ANKS1B: variants seen among roughly 807,000 people sequenced by gnomAD.
The protein encoded by ANKS1B is ankyrin repeat and sterile alpha motif domain-containing protein 1B.
In ANKS1B, 36 loss-of-function variants were observed where a neutral mutation model predicts 148.3. The observed-to-expected ratio is 0.24, with a 90% confidence interval of 0.19 to 0.32. The LOEUF (loss-of-function observed/expected upper bound fraction) is 0.32. ANKS1B is among the 10% of genes least tolerant of loss of function. The pLI is 1.00. For missense variants in ANKS1B, 1,157 were observed against 1,542.6 expected (o/e 0.75, Z 4.19); for synonymous variants, 542 against 560.8 (o/e 0.97, Z 0.47).
chr12:99,783,781 G>A (rs1246661043), intron 4 of ANKS1B, among the ~76,000 whole-genome samples: 1 of 152,026 alleles, frequency 6.6e-6, no homozygotes, highest in Non-Finnish European at 1.5e-5. Context: ...CGAAATTACA[G>A]CTATATAGGA....
chr12:99,753,604 A>C (rs2061309723), intron 8 of ANKS1B, among the ~76,000 whole-genome samples: 2 of 152,140 alleles, frequency 1.3e-5, no homozygotes, highest in Non-Finnish European at 2.9e-5. Context: ...TGGTGGTAAC[A>C]AACTCCCTCA....
chr12:99,164,061 T>A (rs1220902997), intron 14 of ANKS1B, among the ~76,000 whole-genome samples: 1 of 152,188 alleles, frequency 6.6e-6, no homozygotes, highest in Non-Finnish European at 1.5e-5. Context: ...TTATTGCCTG[T>A]ATCTTTTTGT....
At chr12:99,504,975 G>A (rs2096693533) in intron 9 of ANKS1B, among the ~76,000 whole-genome samples, 1 of 151,886 alleles carries the variant, frequency 6.6e-6, no homozygotes. Flanking sequence ...CGGCCTCCTG[G>A]AGACACCCAT....
chr12:99,394,362 C>G (rs1243864413), intron 12 of ANKS1B, among the ~76,000 whole-genome samples: 3 of 152,046 alleles, frequency 2.0e-5, no homozygotes, highest in Admixed American at 2.0e-4. Context: ...AATTCATCAT[C>G]CCCTCTTTCT....
intron 17 of ANKS1B, among the ~76,000 whole-genome samples, chr12:98,945,915 T>C (rs544094787): frequency 3.3e-5 from 5 of 152,352 alleles, no homozygotes; most frequent in Admixed American, 6.5e-5. Flanking sequence ...TCTTTTCCCC[T>C]AGTCCCTCTC....
chr12:99,698,985 C>T (rs944129777), intron 8 of ANKS1B, among the ~76,000 whole-genome samples: 3 of 132,522 alleles, frequency 2.3e-5, no homozygotes, highest in Non-Finnish European at 3.3e-5. Context: ...TGTGCACGCA[C>T]GTGCGCAAGC....
At chr12:98,766,368 G>A (rs1022874906) in intron 25 of ANKS1B, among the ~76,000 whole-genome samples, 9 of 152,138 alleles carry the variant, frequency 5.9e-5, no homozygotes, top group Admixed American at 2.0e-4. Flanking sequence ...TAGGAGCTGC[G>A]TCCTTCCTGC....
chr12:99,686,558 A>C (rs1298187755), intron 8 of ANKS1B, among the ~76,000 whole-genome samples: 1 of 151,952 alleles, frequency 6.6e-6, no homozygotes, highest in Non-Finnish European at 1.5e-5. Context: ...AAATTGTCTT[A>C]AGTTTTTCTT....
At chr12:99,385,974 C>A (rs1420841974) in intron 12 of ANKS1B, among the ~76,000 whole-genome samples, 3 of 152,154 alleles carry the variant, frequency 2.0e-5, no homozygotes, top group Admixed American at 6.5e-5. Flanking sequence ...TGCTTCCTTT[C>A]ACATGTGCTT....
intron 9 of ANKS1B, among the ~76,000 whole-genome samples, chr12:99,592,765 C>A (rs1300747092): frequency 1.3e-5 from 2 of 152,098 alleles, no homozygotes; most frequent in South Asian, 2.1e-4. Flanking sequence ...TCAGGAGATC[C>A]TGAGAACATG....
intron 1 of ANKS1B, among the ~76,000 whole-genome samples, chr12:99,914,709 G>C (rs1445124097): frequency 6.6e-6 from 1 of 152,008 alleles, no homozygotes; most frequent in Non-Finnish European, 1.5e-5. Context: ...GTGATGCATG[G>C]GAGGGTGATA....
chr12:99,248,400 A>G (rs1339863682), intron 12 of ANKS1B, among the ~76,000 whole-genome samples: 1 of 152,198 alleles, frequency 6.6e-6, no homozygotes, highest in Non-Finnish European at 1.5e-5. Context: ...CTGAGATTGA[A>G]GAAAGAAGAG....
Position 98,946,597 on chromosome 12 carries a change from G to T in ANKS1B, c.2778+106560C>A, listed in dbSNP as rs148558111. On this transcript the variant is annotated intron_variant, in intron 17 of 26. Coordinates refer to ENST00000683438, the MANE Select transcript of ANKS1B (RefSeq NM_001352186.2). Reference sequence around the variant, plus strand: ...CTAGAGAGTGACAGGAGCTATTGGGGGAAAGATGAGAGCAGCTGACTAATT... The same window carrying T: ...CTAGAGAGTGACAGGAGCTATTGGGTGAAAGATGAGAGCAGCTGACTAATT... 2.4e-3 allele frequency among the ~76,000 whole-genome samples: 367 copies of T among 152,152 alleles called. 5 individuals carry two copies. The East Asian group carries it at 0.049, about 20-fold the overall frequency.
intron 16 of ANKS1B, among the ~76,000 whole-genome samples, chr12:99,059,093 C>G (rs1005268416): frequency 6.6e-6 from 1 of 152,174 alleles, no homozygotes; most frequent in Non-Finnish European, 1.5e-5. Flanking sequence ...GTGAATCTTT[C>G]TCTAATGTTA....
intron 17 of ANKS1B, among the ~76,000 whole-genome samples, chr12:98,958,343 A>C (rs950226266): frequency 6.6e-6 from 1 of 152,200 alleles, no homozygotes; most frequent in Non-Finnish European, 1.5e-5. Flanking sequence ...CTACTTACTT[A>C]CAGTCAGCAC....
intron 10 of ANKS1B, 21 bp downstream of exon 10, chr12:99,504,455 A>C: frequency 4.4e-6 from 7 of 1,606,552 alleles, no homozygotes; most frequent in Non-Finnish European, 5.9e-6. Flanking sequence ...AATCAGGCCA[A>C]TTGTGAGTAA....
At chr12:98,797,003 T>C (rs2098955815) in intron 22 of ANKS1B, among the ~76,000 whole-genome samples, 1 of 152,154 alleles carries the variant, frequency 6.6e-6, no homozygotes, top group Admixed American at 6.5e-5. Flanking sequence ...CACACCGGAG[T>C]AGCTGGTCTC....
chr12:99,818,277 C>A (rs749514869), intron 2 of ANKS1B, among the ~76,000 whole-genome samples: 1 of 151,788 alleles, frequency 6.6e-6, no homozygotes, highest in Non-Finnish European at 1.5e-5. Flanking sequence ...AGGAACACAT[C>A]GCCTGTGCTT....
intron 8 of ANKS1B, among the ~76,000 whole-genome samples, chr12:99,701,267 T>C (rs1416401712): frequency 6.6e-6 from 1 of 152,138 alleles, no homozygotes; most frequent in Non-Finnish European, 1.5e-5. Context: ...ACTAGCTTAA[T>C]CATAAACTGG....
Sources: allele counts gnomAD v4.1 joint callset (sites outside exome capture counted in the v4.1 genomes callset), GRCh38; gene constraint gnomAD v4.1.1; transcripts MANE v1.5; gene names NCBI Gene and HGNC (gene_info 2026-07-23, HGNC 2026-07-21).